The following SHB variants were observed in gnomAD, a reference collection of about 807,000 sequenced individuals.
The protein encoded by SHB is SH2 domain containing adaptor protein B, also known as SH2 domain-containing adapter protein B.
In SHB, 20 loss-of-function variants were observed where a neutral mutation model predicts 52.3. The observed-to-expected ratio is 0.38, with a 90% CI of 0.27 to 0.56. The LOEUF is 0.56. SHB is among the 20% of genes least tolerant of loss of function. The probability of loss-of-function intolerance (pLI) is 0.71; values close to 1 mark genes in which losing one functional copy is unlikely to be tolerated. For synonymous variants in SHB, 397 were observed against 316.5 expected, an observed-to-expected ratio of 1.25 and a Z score of -2.70; for missense variants, 825 against 723.3, an observed-to-expected ratio of 1.14 and a Z score of -1.61.
chr9:38,069,149 G>T lies in SHB; in HGVS notation c.-504C>A. ...GGAGAATGCGGCCGGGAGAGACAGC[G>T]AGCGACGGAGGAAGGCAGCCGGCGC... is the stretch of plus-strand genomic sequence containing the variant. On this transcript the variant is annotated 5_prime_UTR_variant, in exon 1 of 6. Coordinates refer to ENST00000377707, the MANE Select transcript of SHB (RefSeq NM_003028.3). 2 of 151,660 alleles carry T rather than the reference G, an allele frequency of 1.3e-5. No homozygotes were observed. The highest frequency in any genetic ancestry group is 4.0e-4 in the South Asian group (2 of 4,988). 9.4% of individuals were successfully genotyped at this position (151,660 alleles called of 1,614,324 possible).
chr9:37,945,807 T>C (rs1416122485), intron 5 of SHB, among the ~76,000 whole-genome samples: 1 of 151,806 alleles, frequency 6.6e-6, no homozygotes, highest in African/African-American at 2.4e-5. Context: ...TGGGGAGAGT[T>C]AGAGAACCCC....
intron 5 of SHB, among the ~76,000 whole-genome samples, 158 bp downstream of exon 5, chr9:37,948,477 A>C (rs1245642353): frequency 1.3e-5 from 2 of 152,210 alleles, no homozygotes; most frequent in African/African-American, 4.8e-5. Context: ...TCTGTATCCC[A>C]GGAGAATAGG....
chr9:38,032,666 C>A (rs1288762726), intron 1 of SHB, among the ~76,000 whole-genome samples: 2 of 152,194 alleles, frequency 1.3e-5, no homozygotes, highest in Non-Finnish European at 2.9e-5. Flanking sequence ...GCCTGGCTTC[C>A]AGCTCTCCTC....
chr9:38,010,564 C>T (rs1200791005), intron 2 of SHB, among the ~76,000 whole-genome samples: 1 of 152,170 alleles, frequency 6.6e-6, no homozygotes, highest in African/African-American at 2.4e-5. Flanking sequence ...GCCTGGGATG[C>T]CTGACTCAGT....
intron 2 of SHB, among the ~76,000 whole-genome samples, chr9:37,979,840 T>C (rs955482114): frequency 2.6e-5 from 4 of 152,110 alleles, no homozygotes; most frequent in African/African-American, 4.8e-5. Flanking sequence ...ACCTGTAAAA[T>C]TTTTTGGTTT....
chr9:38,040,406 T>C (rs1821560481), intron 1 of SHB, among the ~76,000 whole-genome samples: 1 of 152,090 alleles, frequency 6.6e-6, no homozygotes, highest in South Asian at 2.1e-4. Context: ...AAGGGGGGGC[T>C]TGGGAAGGGA....
chr9:38,051,385 G>T (rs1821737796), intron 1 of SHB, among the ~76,000 whole-genome samples: 1 of 148,162 alleles, frequency 6.7e-6, no homozygotes, highest in Admixed American at 6.9e-5. Context: ...AGAGGTTGCA[G>T]TGAGCCAAGA....
At chr9:37,921,699 C>A (rs73453398) in intron 5 of SHB, among the ~76,000 whole-genome samples, 1 of 152,138 alleles carries the variant, frequency 6.6e-6, no homozygotes, top group East Asian at 1.9e-4. Context: ...TGCCTAGACA[C>A]GTCTGAGAAG....
In SHB at chr9:37,943,568, G is replaced by A. The variant is rs10973619; in HGVS notation, c.1346+5067C>T. Among the ~76,000 whole-genome samples, 756 of 152,304 alleles carry A rather than the reference G, an allele frequency of 5.0e-3. 11 individuals are homozygous for A. The highest frequency in any genetic ancestry group is 0.017 in the African/African-American group (688 of 41,564). On this transcript the variant is annotated intron_variant, in intron 5 of 5. Transcript: ENST00000377707. Reference sequence around the variant, plus strand: ...TAGAAAGCCAAAGGTCCCTCCGTAAGGACTGTATGCAGCCATTAGCCCCAC... The same window carrying A: ...TAGAAAGCCAAAGGTCCCTCCGTAAAGACTGTATGCAGCCATTAGCCCCAC...
At chr9:37,963,308 A>G (rs907362363) in intron 3 of SHB, among the ~76,000 whole-genome samples, 5 of 152,302 alleles carry the variant, frequency 3.3e-5, no homozygotes, top group African/African-American at 9.6e-5. Context: ...GTTCTCCAGT[A>G]TAAGATGGAG....
At chr9:37,967,470 C>T (rs532344682) in intron 3 of SHB, among the ~76,000 whole-genome samples, 4 of 152,252 alleles carry the variant, frequency 2.6e-5, no homozygotes, top group South Asian at 4.2e-4. Flanking sequence ...TAGCTATTTC[C>T]GAATAAACCA....
Position 37,963,369 on chromosome 9 carries a change from C to T in SHB, c.1055-7315G>A, listed in dbSNP as rs564434061. Reference sequence around the variant, plus strand: ...GTTGGAATGATGAAAAACAAGGCACCGTGTGTAGACTGCTTGCAAGGAGCT... The same window carrying T: ...GTTGGAATGATGAAAAACAAGGCACTGTGTGTAGACTGCTTGCAAGGAGCT... On this transcript the variant is annotated intron_variant, in intron 3 of 5. Transcript: ENST00000377707. Among the ~76,000 whole-genome samples the T allele has an allele frequency of 2.7e-4, 41 of 152,282 alleles. 1 individual carries two copies. The highest frequency in any genetic ancestry group is 1.2e-3 in the Admixed American group (18 of 15,296).
intron 3 of SHB, among the ~76,000 whole-genome samples, chr9:37,968,684 G>A (rs1820559927): frequency 1.3e-5 from 2 of 152,174 alleles, no homozygotes; most frequent in Non-Finnish European, 2.9e-5. Context: ...CTGTCATCTG[G>A]CTCCTCTATC....
At chr9:37,986,507 C>T (rs1335015159) in intron 2 of SHB, among the ~76,000 whole-genome samples, 2 of 152,126 alleles carry the variant, frequency 1.3e-5, no homozygotes, top group African/African-American at 4.8e-5. Flanking sequence ...TGGGTTTGTG[C>T]TTCACATACA....
intron 3 of SHB, among the ~76,000 whole-genome samples, chr9:37,967,153 T>C (rs1170659823): frequency 6.6e-6 from 1 of 152,206 alleles, no homozygotes; most frequent in Non-Finnish European, 1.5e-5. Context: ...AAGTGAACCC[T>C]ACCTTGCAAG....
At chr9:38,011,606 C>T (rs1401498475) in intron 2 of SHB, among the ~76,000 whole-genome samples, 1 of 152,136 alleles carries the variant, frequency 6.6e-6, no homozygotes, top group African/African-American at 2.4e-5. Flanking sequence ...TAATGCAGAC[C>T]TCAGAAGTCG....
intron 5 of SHB, among the ~76,000 whole-genome samples, chr9:37,929,632 G>A (rs986543400): frequency 5.3e-5 from 8 of 152,226 alleles, no homozygotes; most frequent in East Asian, 3.9e-4. Flanking sequence ...CTGCAGGAGC[G>A]TCTCCTCCAG....
chr9:37,946,926 T>A (rs1269345252), intron 5 of SHB, among the ~76,000 whole-genome samples: 1 of 152,202 alleles, frequency 6.6e-6, no homozygotes, highest in Non-Finnish European at 1.5e-5. Context: ...CTGTCGCTGA[T>A]GCCACCTGCT....
chr9:37,954,898 A>G (rs1372103527), intron 4 of SHB, among the ~76,000 whole-genome samples: 1 of 151,982 alleles, frequency 6.6e-6, no homozygotes, highest in African/African-American at 2.4e-5. Flanking sequence ...GGCCAAGGGG[A>G]GGGGCAATAA....
Sources: allele counts gnomAD v4.1 joint callset (sites outside exome capture counted in the v4.1 genomes callset), GRCh38; gene constraint gnomAD v4.1.1; transcripts MANE v1.5; gene names NCBI Gene and HGNC (gene_info 2026-07-23, HGNC 2026-07-21).